The following ZC3H14 variants were observed in gnomAD, a reference collection of about 807,000 sequenced individuals.
The protein encoded by ZC3H14 is zinc finger CCCH domain-containing protein 14.
ZC3H14 carries 31 observed loss-of-function variants against 92.4 expected under a neutral mutation model. That is an observed-to-expected ratio of 0.34 (90% CI 0.25 to 0.45). The LOEUF (loss-of-function observed/expected upper bound fraction) is 0.45, where lower values mean the gene tolerates loss of function less well. Among genes scored for constraint, ZC3H14 ranks in the 20% least tolerant of loss-of-function variants. The pLI, the probability that ZC3H14 is intolerant of heterozygous loss-of-function variation, is 1.00. For synonymous variants in ZC3H14, 321 were observed against 300.9 expected, an observed-to-expected ratio of 1.07 and a Z score of -0.69; for missense variants, 781 against 897.3, an observed-to-expected ratio of 0.87 and a Z score of 1.66.
Position 88,572,599 on chromosome 14 carries a change from T to G in ZC3H14, c.453T>G (p.Ala151=). The change falls in exon 6 of 17, where the codon GCT becomes GCG. Residue 151 remains alanine (A), a synonymous_variant. Transcript: ENST00000251038. ...TNVRQTYDDG[A]ATRLMSTVKP... is the part of the protein sequence containing the mutation. Reference sequence around the variant, plus strand: ...ATAGACAGACTTACGATGATGGAGCTGCAACCCGACTAATGTCAACAGTGA... The same window carrying G: ...ATAGACAGACTTACGATGATGGAGCGGCAACCCGACTAATGTCAACAGTGA... 1 of 1,614,178 alleles carries G rather than the reference T, an allele frequency of 6.2e-7. No individual in the cohort carries two copies. Among genetic ancestry groups the G allele is most frequent in the Non-Finnish European group, 8.5e-7 (1 of 1,180,036 alleles).
At position 88,572,938 on chromosome 14, in the gene ZC3H14, G is replaced by A. The variant is rs770211784; in HGVS notation, c.792G>A (p.Glu264=). 2.5e-6 allele frequency: 4 copies of A among 1,614,004 alleles called. No homozygotes were observed. In the Admixed American group the frequency reaches 6.7e-5, roughly 27 times the overall value. The part of the protein sequence containing the change: ...VYETGRLCEP[E]VLNSLEETYS... ...AAACAGGACGTTTGTGTGAACCAGAGGTGCTTAACAGCTTAGAAGAAACGT... is the reference window on the plus strand; with the variant it reads ...AAACAGGACGTTTGTGTGAACCAGAAGTGCTTAACAGCTTAGAAGAAACGT... Residue 264 remains glutamate, a synonymous_variant, in exon 6 of 17, where the codon GAG becomes GAA. Coordinates refer to ENST00000251038, the MANE Select transcript of ZC3H14 (RefSeq NM_024824.5).
chr14:88,591,723 A>G (rs1222050540), intron 9 of ZC3H14: 2 of 152,182 alleles, frequency 1.3e-5, no homozygotes, highest in African/African-American at 4.8e-5. Flanking sequence ...ATATCTGTGA[A>G]CATGTGCACC....
chr14:88,594,130 A>G (rs1371540804), intron 9 of ZC3H14, among the ~76,000 whole-genome samples: 1 of 152,180 alleles, frequency 6.6e-6, no homozygotes, highest in Admixed American at 6.5e-5. Flanking sequence ...ACTCTCAATA[A>G]TGTTATATAC....
chr14:88,604,835 C>CGATCA (rs2085135220), intron 12 of ZC3H14, among the ~76,000 whole-genome samples: 1 of 151,206 alleles, frequency 6.6e-6, no homozygotes, highest in Non-Finnish European at 1.5e-5. Flanking sequence ...CTCAAGTGAT[C>CGATCA]CACCAACCTC....
chr14:88,582,231 C>T (rs867925840), intron 9 of ZC3H14, among the ~76,000 whole-genome samples: 4 of 152,118 alleles, frequency 2.6e-5, no homozygotes, highest in Non-Finnish European at 5.9e-5. Flanking sequence ...TTGTTTTGTG[C>T]CTCTTGATAC....
rs2087999303 is a variant in ZC3H14, at chr14:88,617,909, A to C, written c.*6158A>C. ...ATAGCATTCCTTTAGATAGAGAATT[A>C]ATAACAGTTGCTTAACAGCACCCAA... On this transcript the variant is annotated 3_prime_UTR_variant, in exon 17 of 17. Transcript: ENST00000251038. 1 of 183,918 alleles carries C rather than the reference A, an allele frequency of 5.4e-6. No individual in the cohort carries two copies. Among genetic ancestry groups the C allele is most frequent in the South Asian group, 1.4e-4 (1 of 7,024 alleles). The allele number at this position is 183,918 out of a possible 1,614,324, so 11.4% of individuals were successfully genotyped here.
At chr14:88,594,901 G>A in intron 9 of ZC3H14, 1 of 1,613,972 alleles carries the variant, frequency 6.2e-7, no homozygotes, top group Non-Finnish European at 8.5e-7. Context: ...AATGAAAGCA[G>A]CTATTTTGAC....
In ZC3H14 at chr14:88,612,944, A is replaced by G. The variant is rs1394170179; in HGVS notation, c.*1193A>G. The G allele has an allele frequency of 6.6e-6, 1 of 152,264 alleles. No individual in the cohort carries two copies. The highest frequency in any genetic ancestry group is 1.5e-5 in the Non-Finnish European group (1 of 67,994). The allele number at this position is 152,264 out of a possible 1,614,324, so 9.4% of individuals were successfully genotyped here. On this transcript the variant is annotated 3_prime_UTR_variant, in exon 17 of 17. Coordinates refer to ENST00000251038, the MANE Select transcript of ZC3H14 (RefSeq NM_024824.5). Reference sequence around the variant, plus strand: ...GTGGATTAATGCAAAAGGGGTAATAAAGACTGCAACATTCTCAGGACCAAA... The same window carrying G: ...GTGGATTAATGCAAAAGGGGTAATAGAGACTGCAACATTCTCAGGACCAAA...
intron 9 of ZC3H14, among the ~76,000 whole-genome samples, chr14:88,583,079 A>T (rs1484504242): frequency 1.8e-4 from 23 of 129,292 alleles, no homozygotes; most frequent in African/African-American, 3.0e-4. Flanking sequence ...GGCTTTATTG[A>T]TTTTTTTTTT....
chr14:88,576,419 C>G (rs1170043219), intron 8 of ZC3H14, among the ~76,000 whole-genome samples: 3 of 152,230 alleles, frequency 2.0e-5, no homozygotes, highest in Non-Finnish European at 2.9e-5. Flanking sequence ...AGAATTGACT[C>G]ATTTGTGATG....
intron 8 of ZC3H14, among the ~76,000 whole-genome samples, chr14:88,576,350 A>G (rs1235260911): frequency 1.3e-5 from 2 of 152,258 alleles, no homozygotes; most frequent in East Asian, 1.9e-4. Flanking sequence ...AAACAGTAGT[A>G]TATAAACAAG....
intron 5 of ZC3H14, 76 bp downstream of exon 5, chr14:88,572,301 C>G (rs942118263): frequency 6.6e-7 from 1 of 1,520,108 alleles, no homozygotes; most frequent in Non-Finnish European, 9.0e-7. Flanking sequence ...TTATATCTTT[C>G]AGTTTGCTGT....
intron 9 of ZC3H14, among the ~76,000 whole-genome samples, chr14:88,585,513 A>T (rs986541995): frequency 1.3e-5 from 2 of 151,708 alleles, no homozygotes; most frequent in African/African-American, 4.8e-5. Flanking sequence ...AGTAGCTGGG[A>T]TTATAGACGC....
rs200761896 is a variant in ZC3H14 at position 88,622,672 on chromosome 14, G to A, written c.*10921G>A. On this transcript the variant is annotated 3_prime_UTR_variant, in exon 17 of 17. Transcript: ENST00000251038. ...GTCTCAAGCCTGAAGGCACGGCACC[G>A]CCTCAGTTCCTGATCCCACAGTTTA... is the stretch of plus-strand genomic sequence containing the variant. 2.5e-5 allele frequency: 41 copies of A among 1,610,260 alleles called. No individual in the cohort carries two copies. The highest frequency in any genetic ancestry group is 5.3e-5 in the African/African-American group (4 of 74,916).
chr14:88,602,503 G>C (rs564621937), intron 11 of ZC3H14, among the ~76,000 whole-genome samples: 2 of 152,196 alleles, frequency 1.3e-5, no homozygotes, highest in Non-Finnish European at 2.9e-5. Context: ...TGGCCCTTGT[G>C]TTCTGAGCAT....
intron 9 of ZC3H14, among the ~76,000 whole-genome samples, chr14:88,582,456 G>T (rs1034103222): frequency 1.1e-4 from 16 of 152,186 alleles, no homozygotes; most frequent in Admixed American, 9.8e-4. Context: ...AATAAAAGGA[G>T]CAGGATTAAA....
chr14:88,593,822 A>G (rs970777799), intron 9 of ZC3H14, among the ~76,000 whole-genome samples: 1 of 152,168 alleles, frequency 6.6e-6, no homozygotes. Flanking sequence ...CCAAAAGCAC[A>G]AGCAACCAAA....
chr14:88,570,048 G>A (rs996556986), intron 3 of ZC3H14, among the ~76,000 whole-genome samples: 3 of 151,970 alleles, frequency 2.0e-5, no homozygotes, highest in Non-Finnish European at 2.9e-5. Flanking sequence ...CCTTTTCTCC[G>A]ATAACTTGAT....
At chr14:88,594,956 A>G (rs143224802) in intron 9 of ZC3H14, 33 of 1,613,998 alleles carry the variant, frequency 2.0e-5, no homozygotes, top group Middle Eastern at 1.6e-4. Flanking sequence ...GTGTCCAAGA[A>G]TGAAGCAAAA....
Sources: allele counts gnomAD v4.1 joint callset (sites outside exome capture counted in the v4.1 genomes callset), GRCh38; gene constraint gnomAD v4.1.1; transcripts MANE v1.5; gene names NCBI Gene and HGNC (gene_info 2026-07-23, HGNC 2026-07-21).